NLGN1: variants seen among roughly 807,000 people sequenced by gnomAD.
NLGN1 encodes neuroligin-1.
NLGN1 carries 12 observed loss-of-function variants against 65.5 expected under a neutral mutation model. The ratio of observed to expected loss-of-function variants is 0.18; its 90% CI spans 0.12 to 0.30. The LOEUF is 0.30. Among genes scored for constraint, NLGN1 ranks in the 10% least tolerant of loss-of-function variants. The pLI, the probability that NLGN1 is intolerant of heterozygous loss-of-function variation, is 1.00. For synonymous variants in NLGN1, 350 were observed against 359.5 expected, an observed-to-expected ratio of 0.97 and a Z score of 0.30; for missense variants, 750 against 1,007.1, an observed-to-expected ratio of 0.74 and a Z score of 3.46.
chr3:174,217,723 A>G (rs1435227922), intron 4 of NLGN1, among the ~76,000 whole-genome samples: 4 of 152,066 alleles, frequency 2.6e-5, no homozygotes, highest in African/African-American at 7.2e-5. Flanking sequence ...AACAGTTTTT[A>G]TGAAGTGTAG....
At chr3:173,627,042 A>G (rs984948535) in intron 3 of NLGN1, among the ~76,000 whole-genome samples, 5 of 152,064 alleles carry the variant, frequency 3.3e-5, no homozygotes, top group African/African-American at 9.7e-5. Flanking sequence ...TAAGTAAACT[A>G]CGTCCTCAAA....
At chr3:174,289,861 A>G (rs956498564), downstream of NLGN1, among the ~76,000 whole-genome samples, 1 of 148,678 alleles carries the variant, frequency 6.7e-6, no homozygotes, top group Non-Finnish European at 1.5e-5. Flanking sequence ...GTAAACATGT[A>G]AAAGTGTATT....
At chr3:173,851,372 G>A (rs2861595) in intron 4 of NLGN1, among the ~76,000 whole-genome samples, 123,496 of 152,172 alleles carry the variant, frequency 0.81, 50,615 homozygotes, top group African/African-American at 0.87. Flanking sequence ...ATTTCAATAG[G>A]CATACATAAC....
At chr3:173,711,466 A>G (rs1768971123) in intron 3 of NLGN1, among the ~76,000 whole-genome samples, 1 of 152,194 alleles carries the variant, frequency 6.6e-6, no homozygotes, top group Non-Finnish European at 1.5e-5. Flanking sequence ...ACTAGGATTT[A>G]GGGTTTAAAT....
chr3:173,601,436 T>C (rs1750529556), intron 2 of NLGN1, among the ~76,000 whole-genome samples: 1 of 152,070 alleles, frequency 6.6e-6, no homozygotes, highest in Non-Finnish European at 1.5e-5. Context: ...GCTATCCTGT[T>C]ACTATGTATT....
intron 1 of NLGN1, among the ~76,000 whole-genome samples, chr3:173,423,854 G>A (rs1167493520): frequency 6.6e-6 from 1 of 152,202 alleles, no homozygotes; most frequent in Admixed American, 6.5e-5. Flanking sequence ...CAGTGCCCCA[G>A]TGGAGACTGT....
At chr3:173,681,004 A>T (rs1334328599) in intron 3 of NLGN1, among the ~76,000 whole-genome samples, 1 of 152,162 alleles carries the variant, frequency 6.6e-6, no homozygotes, top group Non-Finnish European at 1.5e-5. Flanking sequence ...CATTTGCTTC[A>T]TGTTAAAACT....
chr3:174,190,167 G>A (rs983938836), intron 4 of NLGN1, among the ~76,000 whole-genome samples: 2 of 152,064 alleles, frequency 1.3e-5, no homozygotes, highest in African/African-American at 4.8e-5. Context: ...TATTTAAGTA[G>A]CATAGTGAAT....
At chr3:173,738,129 T>C (rs898482324) in intron 3 of NLGN1, among the ~76,000 whole-genome samples, 8 of 152,022 alleles carry the variant, frequency 5.3e-5, no homozygotes, top group Non-Finnish European at 2.9e-5. Context: ...GTAAGAAAAC[T>C]TTATGTATTC....
chr3:173,754,677 C>T (rs1381114546), intron 3 of NLGN1, among the ~76,000 whole-genome samples: 1 of 152,034 alleles, frequency 6.6e-6, no homozygotes, highest in Non-Finnish European at 1.5e-5. Flanking sequence ...AGAGTTCTGT[C>T]ACAAATCCGA....
intron 4 of NLGN1, among the ~76,000 whole-genome samples, chr3:173,922,703 A>G (rs1022785062): frequency 2.0e-5 from 3 of 152,116 alleles, no homozygotes; most frequent in Admixed American, 6.6e-5. Flanking sequence ...TAAGCTCTTT[A>G]TTAGAAACAG....
At chr3:174,118,743 G>A (rs1019223692) in intron 4 of NLGN1, among the ~76,000 whole-genome samples, 7 of 152,184 alleles carry the variant, frequency 4.6e-5, no homozygotes, top group Middle Eastern at 3.4e-3. Context: ...TAAGAAAATC[G>A]AAGCATTTGG....
At chr3:173,433,094 A>G (rs369601777) in intron 1 of NLGN1, among the ~76,000 whole-genome samples, 2 of 152,320 alleles carry the variant, frequency 1.3e-5, no homozygotes, top group South Asian at 2.1e-4. Flanking sequence ...TTTTTGTGTT[A>G]ATGAGAAACA....
intron 4 of NLGN1, among the ~76,000 whole-genome samples, chr3:173,884,618 T>G (rs1256402384): frequency 1.3e-5 from 2 of 152,150 alleles, no homozygotes; most frequent in African/African-American, 2.4e-5. Flanking sequence ...TGGAGGAAAC[T>G]AAAAGTTTCC....
At chr3:173,451,004 C>T (rs1039621133) in intron 2 of NLGN1, among the ~76,000 whole-genome samples, 7 of 152,058 alleles carry the variant, frequency 4.6e-5, no homozygotes, top group Admixed American at 3.3e-4. Context: ...GTCATTGTTT[C>T]GAACTTCCTC....
At chr3:174,027,328 G>A (rs951273725) in intron 4 of NLGN1, among the ~76,000 whole-genome samples, 7 of 152,044 alleles carry the variant, frequency 4.6e-5, no homozygotes, top group African/African-American at 9.6e-5. Context: ...TCCAACATTC[G>A]AATTTGTTTA....
intron 4 of NLGN1, among the ~76,000 whole-genome samples, chr3:173,941,244 T>A (rs1746035441): frequency 6.6e-6 from 1 of 151,958 alleles, no homozygotes; most frequent in African/African-American, 2.4e-5. Context: ...AAATTAAATC[T>A]TCTGCTTGTG....
intron 4 of NLGN1, among the ~76,000 whole-genome samples, chr3:174,055,868 A>T (rs1735943908): frequency 6.6e-6 from 1 of 152,028 alleles, no homozygotes; most frequent in African/African-American, 2.4e-5. Context: ...CAACATTCTT[A>T]ATGTCAGGTG....
chr3:173,441,478 G>A (rs957069407), intron 2 of NLGN1, among the ~76,000 whole-genome samples: 2 of 152,104 alleles, frequency 1.3e-5, no homozygotes, highest in African/African-American at 4.8e-5. Flanking sequence ...AACAGTGAGG[G>A]ACCATTGTAG....
Sources: allele counts gnomAD v4.1 joint callset (sites outside exome capture counted in the v4.1 genomes callset), GRCh38; gene constraint gnomAD v4.1.1; transcripts MANE v1.5; gene names NCBI Gene and HGNC (gene_info 2026-07-23, HGNC 2026-07-21).